The following FRMPD4 variants were observed in gnomAD, a reference collection of about 807,000 sequenced individuals.
The protein encoded by FRMPD4 is FERM and PDZ domain-containing protein 4.
FRMPD4 carries 22 observed loss-of-function variants against 94.1 expected under a neutral mutation model. That is an observed-to-expected ratio of 0.23 (90% CI 0.17 to 0.33). The LOEUF (loss-of-function observed/expected upper bound fraction) is 0.33. Ranked by LOEUF, FRMPD4 falls within the 10% of genes least tolerant of loss-of-function variation. The pLI is 1.00. For synonymous variants in FRMPD4, 631 were observed against 548.6 expected (o/e 1.15, Z -2.10); for missense variants, 1,111 against 1,339.9 (o/e 0.83, Z 2.67).
chrX:11,834,402 C>T (rs2053490938), intron 1 of FRMPD4, among the ~76,000 whole-genome samples: 2 of 112,023 alleles, frequency 1.8e-5, no homozygotes, highest in South Asian at 7.4e-4. Flanking sequence ...CAGTCTTGAT[C>T]TCCCTTGATG....
At chrX:12,433,504 A>G (rs113651805) in intron 1 of FRMPD4, among the ~76,000 whole-genome samples, 4,035 of 111,727 alleles carry the variant, frequency 0.036, 192 homozygotes, top group African/African-American at 0.12. Context: ...CCAAGAGTGG[A>G]ATCAGGGGTG....
At chrX:12,117,772 C>G (rs1481624038) in intron 3 of FRMPD4, among the ~76,000 whole-genome samples, 2 of 112,092 alleles carry the variant, frequency 1.8e-5, no homozygotes, top group Non-Finnish European at 3.8e-5. Flanking sequence ...CACCCTCCCT[C>G]CATGCAACTT....
chrX:11,974,184 A>G (rs1462479400), intron 3 of FRMPD4, among the ~76,000 whole-genome samples: 2 of 111,110 alleles, frequency 1.8e-5, no homozygotes, highest in Admixed American at 9.5e-5. Flanking sequence ...CTGATCCCCA[A>G]TATTGGAGAT....
At chrX:12,233,452 T>C (rs2057035030) in intron 1 of FRMPD4, among the ~76,000 whole-genome samples, 1 of 111,644 alleles carries the variant, frequency 9.0e-6, no homozygotes, top group Non-Finnish European at 1.9e-5. Context: ...GGGAGCTCAG[T>C]TTGAATCAAT....
intron 1 of FRMPD4, among the ~76,000 whole-genome samples, chrX:12,230,658 G>T: frequency 9.3e-6 from 1 of 108,018 alleles, no homozygotes. Context: ...TGGCCCCAGG[G>T]AGAGGCCTGC....
At chrX:11,924,617 G>C (rs1419339459) in intron 3 of FRMPD4, among the ~76,000 whole-genome samples, 5 of 112,103 alleles carry the variant, frequency 4.5e-5, no homozygotes, top group Non-Finnish European at 9.4e-5. Flanking sequence ...CATTCTCAAA[G>C]AAAAGAAATT....
rs148301835 is a variant in FRMPD4, at chrX:12,235,735, A to G, written c.41+96723A>G. 8.9e-3 allele frequency among the ~76,000 whole-genome samples: 1,004 copies of G among 112,265 alleles called. 7 individuals carry two copies. The highest frequency in any genetic ancestry group is 0.029 in the African/African-American group (909 of 30,928). ...TTTATCCAGAGCCATCGCTCAATGC[A>G]TATCTTTGAAAGTCCAATTAGAGTC... On this transcript the variant is annotated intron_variant, in intron 1 of 16. Coordinates refer to ENST00000675598, the MANE Select transcript of FRMPD4 (RefSeq NM_001368397.1).
At chrX:12,669,531 C>CTGA (rs763147040) in intron 4 of FRMPD4, among the ~76,000 whole-genome samples, 25 of 112,146 alleles carry the variant, frequency 2.2e-4, no homozygotes, top group Non-Finnish European at 3.6e-4. Context: ...CACTAGGTAA[C>CTGA]TGATAAAGCT....
chrX:12,390,206 G>A (rs73434848), intron 1 of FRMPD4, among the ~76,000 whole-genome samples: 4 of 112,266 alleles, frequency 3.6e-5, no homozygotes, highest in Non-Finnish European at 7.5e-5. Flanking sequence ...TTTATTTTCA[G>A]TCTGAGGAGA....
intron 1 of FRMPD4, among the ~76,000 whole-genome samples, chrX:12,485,061 T>C (rs1025997974): frequency 8.9e-6 from 1 of 112,170 alleles, no homozygotes; most frequent in African/African-American, 3.2e-5. Context: ...CAGCCATAGA[T>C]GATACTTAAA....
chrX:11,971,366 C>A (rs928202084), intron 3 of FRMPD4, among the ~76,000 whole-genome samples: 1 of 112,455 alleles, frequency 8.9e-6, no homozygotes, highest in African/African-American at 3.2e-5. Flanking sequence ...GAAATTATTG[C>A]AATATTGTAA....
At chrX:12,245,805 C>T (rs2053949056) in intron 1 of FRMPD4, among the ~76,000 whole-genome samples, 1 of 111,015 alleles carries the variant, frequency 9.0e-6, no homozygotes, top group Non-Finnish European at 1.9e-5. Context: ...GTCTCTTGTG[C>T]TCCTTTGCCC....
intron 1 of FRMPD4, among the ~76,000 whole-genome samples, chrX:12,179,570 C>T (rs2147665893): frequency 8.9e-6 from 1 of 111,796 alleles, no homozygotes; most frequent in Non-Finnish European, 1.9e-5. Flanking sequence ...ATATGTTCTA[C>T]ATATAAAAAT....
At chrX:12,349,382 C>T (rs972952929) in intron 1 of FRMPD4, among the ~76,000 whole-genome samples, 7 of 110,363 alleles carry the variant, frequency 6.3e-5, no homozygotes, top group Non-Finnish European at 1.1e-4. Context: ...AGCAAGTCAC[C>T]TGGGGAGCGA....
intron 3 of FRMPD4, among the ~76,000 whole-genome samples, chrX:11,991,531 C>T (rs772679468): frequency 2.0e-4 from 22 of 111,703 alleles, no homozygotes; most frequent in African/African-American, 7.1e-4. Flanking sequence ...AATTTCTAAC[C>T]TCTATTCCAT....
chrX:12,451,332 C>A (rs2057267965), intron 1 of FRMPD4, among the ~76,000 whole-genome samples: 1 of 111,943 alleles, frequency 8.9e-6, no homozygotes, highest in Non-Finnish European at 1.9e-5. Context: ...CTTTTTCAGA[C>A]AATACCCAAT....
At chrX:12,343,861 G>C (rs912045729) in intron 1 of FRMPD4, among the ~76,000 whole-genome samples, 1 of 111,948 alleles carries the variant, frequency 8.9e-6, no homozygotes, top group African/African-American at 3.3e-5. Context: ...AACAAAACCT[G>C]AAAGTAGGTT....
At position 12,609,881 on chromosome X, in the gene FRMPD4, G is replaced by A; in HGVS notation, c.319G>A (p.Gly107Ser). The change falls in exon 3 of 17, where the codon GGT becomes AGT. Residue 107 changes from glycine to serine, a missense_variant and splice_region_variant. Coordinates refer to ENST00000675598, the MANE Select transcript of FRMPD4 (RefSeq NM_001368397.1). ...AGTGGTCGTTCGCTCAGTAACACCA[G>A]GTAAGCACCCAATCCCAGTTCTTGG... ...KPVVVRSVTP[G>S]GPSEGKLIPG... is the part of the protein sequence containing the mutation. 1 of 1,205,790 alleles carries A rather than the reference G, an allele frequency of 8.3e-7. No homozygotes were observed. Among genetic ancestry groups the A allele is most frequent in the Non-Finnish European group, 1.1e-6 (1 of 890,531 alleles).
intron 3 of FRMPD4, among the ~76,000 whole-genome samples, chrX:11,920,682 T>C (rs1431580886): frequency 1.8e-5 from 2 of 112,146 alleles, no homozygotes; most frequent in East Asian, 5.6e-4. Context: ...TTTTTTTATT[T>C]GACAAATAAA....
Sources: gnomAD v4.1 joint callset for allele counts (sites outside exome capture counted in the v4.1 genomes callset) on GRCh38, gnomAD v4.1.1 for gene constraint, MANE v1.5 for transcripts, NCBI Gene and HGNC (gene_info 2026-07-23, HGNC 2026-07-21) for gene names.